The following GARIN2 variants were observed in gnomAD, a reference collection of about 807,000 sequenced individuals.
GARIN2 encodes the protein Golgi-associated RAB2 interactor protein 2.
the GARIN2 span, among the ~76,000 whole-genome samples, chr14:67,214,311 A>G: frequency 9.9e-5 from 15 of 152,192 alleles, no homozygotes; most frequent in Non-Finnish European, 1.9e-4. Flanking sequence ...CTAACGTTTA[A>G]GTCTTTAATC....
the GARIN2 span, among the ~76,000 whole-genome samples, chr14:67,202,172 G>A: frequency 6.6e-5 from 10 of 152,210 alleles, no homozygotes; most frequent in South Asian, 1.0e-3. Context: ...CAGGCACAGC[G>A]GCTCACGCCT....
At chr14:67,190,678 A>C in the GARIN2 span, among the ~76,000 whole-genome samples, 1 of 152,194 alleles carries the variant, frequency 6.6e-6, no homozygotes, top group Admixed American at 6.5e-5. Flanking sequence ...TTTCTCTTCA[A>C]AGCTGAAAGG....
At chr14:67,198,411 A>T in the GARIN2 span, 3 of 1,270,030 alleles carry the variant, frequency 2.4e-6, no homozygotes, top group Admixed American at 4.0e-5. Flanking sequence ...AATTGTTTTA[A>T]ATGTGCCGAG....
chr14:67,216,268 T>TG, the GARIN2 span, among the ~76,000 whole-genome samples: 1 of 152,162 alleles, frequency 6.6e-6, no homozygotes, highest in South Asian at 2.1e-4. Flanking sequence ...TATATTCATC[T>TG]GGGATACTAA....
chr14:67,219,088 C>T, the GARIN2 span, among the ~76,000 whole-genome samples: 3 of 151,966 alleles, frequency 2.0e-5, no homozygotes, highest in Non-Finnish European at 2.9e-5. Context: ...AGCAGTTTGG[C>T]TCACAGGTGG....
chr14:67,211,536 A>G, the GARIN2 span, among the ~76,000 whole-genome samples: 1 of 152,246 alleles, frequency 6.6e-6, no homozygotes, highest in Non-Finnish European at 1.5e-5. Flanking sequence ...ATTCGAATGT[A>G]TGAGGAAGTT....
At chr14:67,217,921 G>C in the GARIN2 span, among the ~76,000 whole-genome samples, 2 of 152,162 alleles carry the variant, frequency 1.3e-5, no homozygotes, top group Admixed American at 6.5e-5. Context: ...CAATTTTATG[G>C]AGTAGTGTCA....
the GARIN2 span, chr14:67,198,961 A>C: frequency 1.4e-6 from 1 of 702,788 alleles, no homozygotes; most frequent in Non-Finnish European, 2.6e-6. Context: ...CTAACTCTTA[A>C]TACATTCGAG....
the GARIN2 span, among the ~76,000 whole-genome samples, chr14:67,194,592 G>A: frequency 7.2e-5 from 11 of 151,942 alleles, no homozygotes; most frequent in South Asian, 2.1e-4. Flanking sequence ...TGCAACCTCC[G>A]CCTCCCGGGT....
the GARIN2 span, among the ~76,000 whole-genome samples, chr14:67,192,863 T>TATATAGATATATAGATATATATCTAG: frequency 6.8e-6 from 1 of 146,626 alleles, no homozygotes; most frequent in African/African-American, 2.5e-5. Context: ...TATACAGATA[T>TATATAGATATATAGATATATATCTAG]ATATAGATAT....
the GARIN2 span, among the ~76,000 whole-genome samples, chr14:67,221,096 T>G: frequency 1.3e-5 from 2 of 152,320 alleles, no homozygotes; most frequent in African/African-American, 2.4e-5. Flanking sequence ...AAATAAGTAT[T>G]TTGATTATTA....
At chr14:67,199,434 T>G in the GARIN2 span, 50 of 1,612,940 alleles carry the variant, frequency 3.1e-5, no homozygotes, top group Non-Finnish European at 4.2e-5. Flanking sequence ...GCCTTTGGGG[T>G]CATCTTACAA....
the GARIN2 span, chr14:67,199,700 G>C: frequency 6.3e-7 from 1 of 1,585,306 alleles, no homozygotes; most frequent in Non-Finnish European, 8.7e-7. Context: ...GTTTGCAGAT[G>C]CACCTCCTTC....
the GARIN2 span, among the ~76,000 whole-genome samples, chr14:67,217,320 G>C: frequency 2.0e-5 from 3 of 152,028 alleles, no homozygotes; most frequent in Non-Finnish European, 4.4e-5. Context: ...TAAGTTTCAT[G>C]TAGGCAGCAT....
chr14:67,212,589 GAA>G, the GARIN2 span, among the ~76,000 whole-genome samples: 323 of 100,334 alleles, frequency 3.2e-3, no homozygotes, highest in African/African-American at 0.011. Flanking sequence ...AGACCCTGTT[GAA>G]AAAAAAAATA....
chr14:67,212,272 G>GA, the GARIN2 span, among the ~76,000 whole-genome samples: 4 of 151,820 alleles, frequency 2.6e-5, no homozygotes, highest in East Asian at 1.9e-4. Flanking sequence ...GTAGATTAAA[G>GA]AAAAAAATGT....
At chr14:67,203,211 A>T in the GARIN2 span, 1 of 1,613,686 alleles carries the variant, frequency 6.2e-7, no homozygotes, top group East Asian at 2.2e-5. Context: ...GGCCCATCTG[A>T]CACCTGGTGC....
chr14:67,223,029 T>C, the GARIN2 span, among the ~76,000 whole-genome samples: 1 of 141,912 alleles, frequency 7.0e-6, no homozygotes, highest in South Asian at 2.3e-4. Context: ...AGATGGGGTC[T>C]CCCTCTTTCG....
the GARIN2 span, chr14:67,198,398 G>T: frequency 4.3e-6 from 6 of 1,387,996 alleles, no homozygotes; most frequent in Non-Finnish European, 6.0e-6. Flanking sequence ...AGGATGGTAG[G>T]AGAATTGTTT....
Sources: allele counts gnomAD v4.1 joint callset (sites outside exome capture counted in the v4.1 genomes callset), GRCh38; gene constraint gnomAD v4.1.1; transcripts MANE v1.5; gene names NCBI Gene and HGNC (gene_info 2026-07-23, HGNC 2026-07-21).